ADAMDEC1: variants seen among roughly 807,000 people sequenced by gnomAD.
ADAMDEC1 encodes ADAM DEC1.
A neutral mutation model predicts 60.4 loss-of-function variants in ADAMDEC1; 62 were observed. The observed-to-expected ratio is 1.03, with a 90% CI of 0.84 to 1.27. ADAMDEC1 has a LOEUF of 1.27. Ranked by LOEUF, ADAMDEC1 falls within the 50% of genes most tolerant of loss-of-function variation. ADAMDEC1 has a pLI of 0.00. For synonymous variants in ADAMDEC1, 210 were observed against 195.1 expected (o/e 1.08, Z -0.64); for missense variants, 595 against 565.0 (o/e 1.05, Z -0.54).
rs747896222 is a variant in ADAMDEC1 at position 24,398,550 on chromosome 8, T to G, written c.761T>G (p.Val254Gly). The G allele has an allele frequency of 6.3e-7, 1 of 1,593,524 alleles. No homozygotes were observed. Among genetic ancestry groups the G allele is most frequent in the Middle Eastern group, 1.7e-4 (1 of 6,020 alleles). ...FVFDVMNLLN[V>G]IYNTIDVQVA... ...TTTGATGTGATGAACCTACTCAATG[T>G]GGTAAGACATTAGTCATGTAAACCT... Residue 254 changes from valine (V) to glycine (G), a missense_variant and splice_region_variant, in exon 8 of 14, where the codon GTG (valine) becomes GGG (glycine). Coordinates refer to ENST00000256412, the MANE Select transcript of ADAMDEC1 (RefSeq NM_014479.3).
At chr8:24,401,104 C>T (rs542635954) in intron 11 of ADAMDEC1, among the ~76,000 whole-genome samples, 11 of 152,140 alleles carry the variant, frequency 7.2e-5, no homozygotes, top group Admixed American at 3.3e-4. Flanking sequence ...TTTAAGAATT[C>T]GGAAGCAGTC....
intron 1 of ADAMDEC1, 45 bp from the exon 2 acceptor site, chr8:24,392,216 CA>C (rs767297813): frequency 2.0e-6 from 3 of 1,478,276 alleles, no homozygotes; most frequent in Non-Finnish European, 1.8e-6. Flanking sequence ...CGACTAAAAC[CA>C]AAACCTTTAA....
Position 24,393,262 on chromosome 8 carries a change from G to T in ADAMDEC1, c.208G>T (p.Glu70Ter). The change falls in exon 3 of 14, where the codon GAA (glutamate) becomes TAA (stop). Residue 70 changes from glutamate to a stop codon, truncating the protein, a stop_gained and splice_region_variant. Transcript: ENST00000256412. LOFTEE classifies it high-confidence loss of function. ...NNQTEKHGKE[E>*]RYEPEVQYQM... The stretch of plus-strand genomic sequence containing the variant: ...GCTTGATGTAATTAAATGTTTTCAG[G>T]AAAGGTATGAACCTGAAGTTCAATA... 1 of 1,572,134 alleles carries T rather than the reference G, an allele frequency of 6.4e-7. No homozygotes were observed. Among genetic ancestry groups the T allele is most frequent in the South Asian group, 1.2e-5 (1 of 84,738 alleles).
intron 1 of ADAMDEC1, 139 bp downstream of exon 1, chr8:24,384,731 C>A: frequency 1.4e-6 from 1 of 737,300 alleles, no homozygotes; most frequent in Non-Finnish European, 2.1e-6. Context: ...TTTTCTACCT[C>A]TCTGCAAAAG....
intron 5 of ADAMDEC1, among the ~76,000 whole-genome samples, chr8:24,397,018 A>G (rs1054162334): frequency 6.6e-6 from 1 of 152,192 alleles, no homozygotes; most frequent in African/African-American, 2.4e-5. Flanking sequence ...CCACGGTGCA[A>G]ATTCCAAATT....
chr8:24,390,285 T>G (rs1479445592), intron 1 of ADAMDEC1: 1 of 779,814 alleles, frequency 1.3e-6, no homozygotes, highest in Non-Finnish European at 1.7e-6. Flanking sequence ...ATGTGAAAAA[T>G]CAAATGTAGT....
Position 24,396,354 on chromosome 8 carries a change from C to CA in ADAMDEC1, c.440+567dup, listed in dbSNP as rs956079172. On this transcript the variant is annotated intron_variant, in intron 5 of 13. Transcript: ENST00000256412. ...TGAAACCCCATCTCTACTAAAAATA[C>CA]AAAAAAAAATAGCCGAGTGTGGTGG... 1.2e-3 allele frequency among the ~76,000 whole-genome samples: 185 copies of CA among 150,558 alleles called. 2 individuals are homozygous for CA. The highest frequency in any genetic ancestry group is 6.7e-3 in the Admixed American group (101 of 15,118).
At chr8:24,398,366 G>A in intron 7 of ADAMDEC1, 114 bp from the exon 8 acceptor site, 1 of 648,724 alleles carries the variant, frequency 1.5e-6, no homozygotes. Flanking sequence ...GGAATGAATA[G>A]ATGTTAATTG....
intron 4 of ADAMDEC1, among the ~76,000 whole-genome samples, chr8:24,395,143 T>A (rs941824602): frequency 1.3e-5 from 2 of 152,234 alleles, no homozygotes; most frequent in African/African-American, 4.8e-5. Context: ...TTGAGGCTGA[T>A]AAAGGGATTC....
chr8:24,392,439 C>A, intron 2 of ADAMDEC1, 59 bp downstream of exon 2: 1 of 1,274,802 alleles, frequency 7.8e-7, no homozygotes, highest in Non-Finnish European at 1.1e-6. Flanking sequence ...CAATAAAAAG[C>A]CTTTTCACTA....
At chr8:24,402,630 T>C (rs1419598410) in intron 12 of ADAMDEC1, among the ~76,000 whole-genome samples, 1 of 152,186 alleles carries the variant, frequency 6.6e-6, no homozygotes, top group African/African-American at 2.4e-5. Context: ...AAGGCATTTA[T>C]GTACTCTAAA....
At chr8:24,402,464 T>C (rs1249267884) in intron 12 of ADAMDEC1, among the ~76,000 whole-genome samples, 1 of 152,128 alleles carries the variant, frequency 6.6e-6, no homozygotes, top group Non-Finnish European at 1.5e-5. Flanking sequence ...AGAGTTGGTC[T>C]TTTCTCATCA....
At chr8:24,393,896 C>T (rs1011859500) in intron 3 of ADAMDEC1, among the ~76,000 whole-genome samples, 173 bp from the exon 4 acceptor site, 14 of 152,176 alleles carry the variant, frequency 9.2e-5, no homozygotes, top group African/African-American at 3.4e-4. Context: ...ATAGGAAGAA[C>T]CAACTCTCTG....
At chr8:24,399,189 G>A (rs1817695892) in intron 9 of ADAMDEC1, 149 bp downstream of exon 9, 3 of 1,035,068 alleles carry the variant, frequency 2.9e-6, no homozygotes, top group Non-Finnish European at 2.8e-6. Context: ...TGACATTATT[G>A]GATCAATAAT....
chr8:24,392,903 T>G (rs1817486051), intron 2 of ADAMDEC1, among the ~76,000 whole-genome samples: 1 of 148,146 alleles, frequency 6.8e-6, no homozygotes, highest in Admixed American at 6.7e-5. Flanking sequence ...TTTTTTTTTT[T>G]TTTTTTTTTA....
chr8:24,385,051 T>A (rs558751447), intron 1 of ADAMDEC1, among the ~76,000 whole-genome samples: 62 of 152,322 alleles, frequency 4.1e-4, no homozygotes, highest in Admixed American at 8.5e-4. Context: ...TCAAAATGAC[T>A]AGTTCTGGAA....
chr8:24,397,956 C>G (rs753881251), intron 7 of ADAMDEC1, among the ~76,000 whole-genome samples: 5 of 151,920 alleles, frequency 3.3e-5, no homozygotes, highest in Non-Finnish European at 7.4e-5. Context: ...TGGCAATATA[C>G]TTAATACCAG....
rs781610517 is a variant in ADAMDEC1, at chr8:24,392,386, C to T, written c.207+6C>T. The stretch of plus-strand genomic sequence containing the variant: ...CAGAAAAGCATGGCAAAGAGGTAAG[C>T]AAGGTGAATGACCGTGGTAGATGTT... On this transcript the variant is annotated splice_donor_region_variant and intron_variant, in intron 2 of 13. Transcript: ENST00000256412. 3 of 1,583,358 alleles carry T rather than the reference C, an allele frequency of 1.9e-6. No homozygotes were observed. The highest frequency in any genetic ancestry group is 2.7e-5 in the African/African-American group (2 of 73,964).
At position 24,405,430 on chromosome 8, in the gene ADAMDEC1, C is replaced by T. The variant is rs1445745707; in HGVS notation, c.*132C>T. The T allele has an allele frequency of 9.5e-7, 1 of 1,053,060 alleles. No individual in the cohort carries two copies. The allele number at this position is 1,053,060 out of a possible 1,614,324, so 65.2% of individuals were successfully genotyped here. A position where few individuals can be genotyped will look rare whatever the true frequency, so the allele number is the denominator to read the frequency against. On this transcript the variant is annotated 3_prime_UTR_variant, in exon 14 of 14. Coordinates refer to ENST00000256412, the MANE Select transcript of ADAMDEC1 (RefSeq NM_014479.3). ...GTCATTCTACTTTCTATATTGTTAT[C>T]AGTCCAGGAAACAGGTAAACAGATG...
Sources: gnomAD v4.1 joint callset for allele counts (sites outside exome capture counted in the v4.1 genomes callset) on GRCh38, gnomAD v4.1.1 for gene constraint, MANE v1.5 for transcripts, NCBI Gene and HGNC (gene_info 2026-07-23, HGNC 2026-07-21) for gene names.